CSMD1: variants seen among roughly 807,000 people sequenced by gnomAD.
CSMD1 encodes CUB and Sushi multiple domains 1.
Under a neutral mutation model 417.5 loss-of-function variants are expected in CSMD1, and 213 were observed. The ratio of observed to expected loss-of-function variants is 0.51; its 90% CI spans 0.46 to 0.57. The LOEUF (loss-of-function observed/expected upper bound fraction) is 0.57, where lower values mean the gene tolerates loss of function less well. CSMD1 is among the 20% of genes least tolerant of loss of function. The pLI is 0.00. For synonymous variants in CSMD1, 2,862 were observed against 1,736.8 expected (o/e 1.65, Z -16.11); for missense variants, 6,923 against 4,529.7 (o/e 1.53, Z -15.17).
intron 8 of CSMD1, among the ~76,000 whole-genome samples, chr8:3,592,495 A>T (rs1325336556): frequency 6.6e-6 from 1 of 152,166 alleles, no homozygotes; most frequent in African/African-American, 2.4e-5. Context: ...TGGATTTGCC[A>T]TATTTGTCCT....
At chr8:4,759,185 G>C (rs1384951427) in intron 1 of CSMD1, among the ~76,000 whole-genome samples, 1 of 152,184 alleles carries the variant, frequency 6.6e-6, no homozygotes, top group Non-Finnish European at 1.5e-5. Flanking sequence ...ATTCTTGTTA[G>C]TGTTGTCTTG....
chr8:3,831,526 A>C (rs548059831), intron 5 of CSMD1, among the ~76,000 whole-genome samples: 14 of 152,168 alleles, frequency 9.2e-5, no homozygotes, highest in African/African-American at 3.4e-4. Flanking sequence ...TTTGGAGAAC[A>C]GGCTGGAGGA....
At chr8:4,252,169 G>A (rs1486616563) in intron 3 of CSMD1, among the ~76,000 whole-genome samples, 1 of 152,080 alleles carries the variant, frequency 6.6e-6, no homozygotes, top group Non-Finnish European at 1.5e-5. Flanking sequence ...TATATAGAAA[G>A]CTGGGGTGGG....
chr8:3,027,638 C>T (rs1410549908), intron 51 of CSMD1, among the ~76,000 whole-genome samples: 2 of 152,174 alleles, frequency 1.3e-5, no homozygotes. Context: ...AAGCAGCAGG[C>T]AGCTGACAAT....
At chr8:4,909,714 T>G (rs7829049) in intron 1 of CSMD1, among the ~76,000 whole-genome samples, 2 of 152,216 alleles carry the variant, frequency 1.3e-5, no homozygotes, top group East Asian at 1.9e-4. Context: ...CAGCAGCTCA[T>G]GAAAGTGACC....
At chr8:3,702,266 G>C (rs1386399765) in intron 7 of CSMD1, 1 of 152,196 alleles carries the variant, frequency 6.6e-6, no homozygotes, top group Non-Finnish European at 1.5e-5. Flanking sequence ...TGTCCCATCA[G>C]CTCATCTGAG....
At chr8:4,032,430 A>C (rs1797396371) in intron 3 of CSMD1, among the ~76,000 whole-genome samples, 1 of 149,196 alleles carries the variant, frequency 6.7e-6, no homozygotes, top group Admixed American at 6.7e-5. Context: ...ATAGTGAGCA[A>C]CCAGATGTCA....
At chr8:3,986,945 G>T (rs760369560) in intron 5 of CSMD1, among the ~76,000 whole-genome samples, 1 of 152,146 alleles carries the variant, frequency 6.6e-6, no homozygotes, top group African/African-American at 2.4e-5. Context: ...AGTATACAGG[G>T]CGTTTCACCA....
Position 3,570,637 on chromosome 8 carries a change from T to C in CSMD1, c.1344+4308A>G, listed in dbSNP as rs551295538. ...TACTGAATACAACCTGGAAGCTCCC[T>C]GACTCTGCCCCTTTGTTATCTAAAA... On this transcript the variant is annotated intron_variant, in intron 10 of 69. Transcript: ENST00000635120. Among the ~76,000 whole-genome samples, 65 of 152,326 alleles carry C rather than the reference T, an allele frequency of 4.3e-4. 4 individuals carry two copies. The South Asian group carries it at 0.011, about 27-fold the overall frequency.
rs1034234857 is a variant in CSMD1, at chr8:3,629,001, A to C, written c.1010-12204T>G. 2.6e-5 allele frequency among the ~76,000 whole-genome samples: 4 copies of C among 152,190 alleles called. No homozygotes were observed. In the East Asian group the frequency reaches 7.7e-4, roughly 29 times the overall value. On this transcript the variant is annotated intron_variant, in intron 7 of 69. Transcript: ENST00000635120. ...AGGAGGATAGAGAAAAGGGAAAGAA[A>C]AAGATAAAATAGAATTCTAACCTTT...
chr8:3,732,339 C>G (rs1796316383), intron 6 of CSMD1, among the ~76,000 whole-genome samples: 1 of 152,182 alleles, frequency 6.6e-6, no homozygotes, highest in African/African-American at 2.4e-5. Flanking sequence ...CTGTGTGGAT[C>G]ACAGCCTCAC....
intron 23 of CSMD1, among the ~76,000 whole-genome samples, chr8:3,336,384 C>G (rs761846174): frequency 2.0e-5 from 3 of 152,128 alleles, no homozygotes; most frequent in Non-Finnish European, 2.9e-5. Flanking sequence ...TTTCATGACC[C>G]CTGTTATACA....
chr8:3,414,205 C>T (rs112015385), intron 12 of CSMD1, among the ~76,000 whole-genome samples: 9,448 of 35,748 alleles, frequency 0.26, 683 homozygotes, highest in East Asian at 0.35. Flanking sequence ...GACTGATGCA[C>T]CTAAAGCAAA....
intron 5 of CSMD1, among the ~76,000 whole-genome samples, chr8:3,873,064 C>A (rs1043371385): frequency 6.6e-6 from 1 of 151,708 alleles, no homozygotes; most frequent in Non-Finnish European, 1.5e-5. Flanking sequence ...CAGATGCTGG[C>A]AAGGTTGCAG....
At chr8:4,513,497 G>C (rs1250196744) in intron 2 of CSMD1, among the ~76,000 whole-genome samples, 1 of 152,172 alleles carries the variant, frequency 6.6e-6, no homozygotes, top group Non-Finnish European at 1.5e-5. Context: ...ATGTCGGACT[G>C]TAACATTTAC....
intron 23 of CSMD1, among the ~76,000 whole-genome samples, chr8:3,324,703 T>G (rs981696857): frequency 4.0e-5 from 6 of 149,768 alleles, no homozygotes; most frequent in Non-Finnish European, 8.9e-5. Context: ...ACTGTTAAAA[T>G]AGGCCCACAT....
chr8:4,874,380 C>T (rs1055893806), intron 1 of CSMD1, among the ~76,000 whole-genome samples: 15 of 135,502 alleles, frequency 1.1e-4, no homozygotes, highest in African/African-American at 3.5e-4. Flanking sequence ...ATCTTTCAAT[C>T]CGATTGTATT....
At chr8:3,443,139 T>C (rs540922570) in intron 12 of CSMD1, among the ~76,000 whole-genome samples, 11 of 152,322 alleles carry the variant, frequency 7.2e-5, no homozygotes, top group Middle Eastern at 3.4e-3. Flanking sequence ...TAGTGAGCAG[T>C]GTACACTGCA....
chr8:3,867,535 C>T (rs927928538), intron 5 of CSMD1, among the ~76,000 whole-genome samples: 2 of 152,094 alleles, frequency 1.3e-5, no homozygotes, highest in Admixed American at 1.3e-4. Context: ...TCCCAGACAA[C>T]AGAAGGCTAG....
Sources: gnomAD v4.1 joint callset for allele counts (sites outside exome capture counted in the v4.1 genomes callset) on GRCh38, gnomAD v4.1.1 for gene constraint, MANE v1.5 for transcripts, NCBI Gene and HGNC (gene_info 2026-07-23, HGNC 2026-07-21) for gene names.